The following POLR3G variants were observed in gnomAD, a reference collection of about 807,000 sequenced individuals.
POLR3G encodes the protein RNA polymerase III subunit G, also known as DNA-directed RNA polymerase III subunit RPC7.
POLR3G carries 28 observed loss-of-function variants against 30.1 expected under a neutral mutation model. The ratio of observed to expected loss-of-function variants is 0.93; its 90% CI spans 0.69 to 1.27. The LOEUF is 1.27. Among genes scored for constraint, POLR3G ranks in the 50% most tolerant of loss-of-function variants. POLR3G has a pLI of 0.00. For missense variants in POLR3G, 254 were observed against 264.6 expected (o/e 0.96, Z 0.28); for synonymous variants, 79 against 82.5 (o/e 0.96, Z 0.23).
chr5:90,509,369 T>C (rs1752632957), intron 7 of POLR3G, among the ~76,000 whole-genome samples: 1 of 152,156 alleles, frequency 6.6e-6, no homozygotes, highest in Non-Finnish European at 1.5e-5. Flanking sequence ...TCATTCAACC[T>C]ATAGTAAGTG....
At chr5:90,493,944 T>C (rs1751864061) in intron 3 of POLR3G, among the ~76,000 whole-genome samples, 1 of 151,724 alleles carries the variant, frequency 6.6e-6, no homozygotes, top group Admixed American at 6.6e-5. Flanking sequence ...TCCTGACCTA[T>C]TAGCAATCTA....
intron 6 of POLR3G, chr5:90,502,271 T>C (rs1420099303): frequency 6.1e-6 from 6 of 981,156 alleles, no homozygotes; most frequent in Non-Finnish European, 7.3e-6. Context: ...ATTTGAATCA[T>C]GCAGGCAGAG....
chr5:90,507,204 G>A (rs1406785455), intron 7 of POLR3G, among the ~76,000 whole-genome samples: 1 of 152,176 alleles, frequency 6.6e-6, no homozygotes, highest in Non-Finnish European at 1.5e-5. Flanking sequence ...ATTAGCTGGA[G>A]TCAATCAGGT....
intron 1 of POLR3G, among the ~76,000 whole-genome samples, chr5:90,475,775 G>C (rs555500033): frequency 6.6e-6 from 1 of 152,066 alleles, no homozygotes; most frequent in Non-Finnish European, 1.5e-5. Context: ...GCGGTGGCGC[G>C]ATCTCGTCTC....
At chr5:90,495,790 A>C in intron 4 of POLR3G, 57 bp downstream of exon 4, 5 of 1,506,454 alleles carry the variant, frequency 3.3e-6, no homozygotes, top group Non-Finnish European at 4.4e-6. Flanking sequence ...CTCTCACCTC[A>C]TGTTTTTTTT....
intron 7 of POLR3G, among the ~76,000 whole-genome samples, chr5:90,511,721 TA>T (rs1703223435): frequency 6.6e-6 from 1 of 152,120 alleles, no homozygotes; most frequent in South Asian, 2.1e-4. Flanking sequence ...GATGTTAATG[TA>T]AACTGGCTTT....
In POLR3G at chr5:90,513,538, G is replaced by A. The variant is rs1411387389; in HGVS notation, c.*1399G>A. On this transcript the variant is annotated 3_prime_UTR_variant, in exon 8 of 8. Transcript: ENST00000651687. Reference sequence around the variant, plus strand: ...CTGAAAGCACAATTTTAAGAAACATGTTTTCCTCACAAAATATATTGTAAT... The same window carrying A: ...CTGAAAGCACAATTTTAAGAAACATATTTTCCTCACAAAATATATTGTAAT... 6.6e-6 allele frequency: 1 copy of A among 152,486 alleles called. No individual in the cohort carries two copies. The highest frequency in any genetic ancestry group is 2.4e-5 in the African/African-American group (1 of 41,434). 9.4% of individuals were successfully genotyped at this position (152,486 alleles called of 1,614,324 possible). A position where few individuals can be genotyped will look rare whatever the true frequency, so the allele number is the denominator to read the frequency against.
chr5:90,510,953 ATAG>A lies in POLR3G; in HGVS notation c.586-1096_586-1094del, dbSNP rs1329089305. ...GAGTAGTCTGTATTTCTTACTATAG[ATAG>A]TAGAGATGTGGACATTAATTTCTTA... On this transcript the variant is annotated intron_variant, in intron 7 of 7. Coordinates refer to ENST00000651687, the MANE Select transcript of POLR3G (RefSeq NM_006467.3). 2.6e-5 allele frequency among the ~76,000 whole-genome samples: 4 copies of A among 152,184 alleles called. No homozygotes were observed. In the South Asian group the frequency reaches 6.2e-4, roughly 24 times the overall value.
chr5:90,511,715 T>C (rs1411432673), intron 7 of POLR3G, among the ~76,000 whole-genome samples: 2 of 152,160 alleles, frequency 1.3e-5, no homozygotes, highest in Non-Finnish European at 2.9e-5. Flanking sequence ...CTAATGGATG[T>C]TAATGTAAAC....
intron 1 of POLR3G, among the ~76,000 whole-genome samples, chr5:90,481,524 T>C (rs2151899698): frequency 6.6e-6 from 1 of 152,336 alleles, no homozygotes; most frequent in East Asian, 1.9e-4. Context: ...GAGACCTTGA[T>C]AAAAATTCAG....
At chr5:90,510,512 C>G (rs1296659218) in intron 7 of POLR3G, among the ~76,000 whole-genome samples, 1 of 152,180 alleles carries the variant, frequency 6.6e-6, no homozygotes, top group Non-Finnish European at 1.5e-5. Context: ...GTATCCCTTC[C>G]TTATTCATCT....
rs763869071 is a variant in POLR3G at position 90,497,650 on chromosome 5, G to A, written c.305-6G>A. On this transcript the variant is annotated splice_region_variant and splice_polypyrimidine_tract_variant and intron_variant, in intron 4 of 7. Transcript: ENST00000651687. ...TGCAATTTTTTATTTTTTATTTTAT[G>A]TACAGATTGGAGAAGACTTCCAAGA... 3 of 1,591,198 alleles carry A rather than the reference G, an allele frequency of 1.9e-6. No individual in the cohort carries two copies.
chr5:90,481,626 A>AT, intron 1 of POLR3G, among the ~76,000 whole-genome samples: 1 of 152,186 alleles, frequency 6.6e-6, no homozygotes, highest in Non-Finnish European at 1.5e-5. Flanking sequence ...TTTAAGAAGC[A>AT]TTGTATAGGG....
Position 90,506,639 on chromosome 5 carries a change from G to A in POLR3G, c.550G>A (p.Glu184Lys), listed in dbSNP as rs1752499525. 1 of 1,612,258 alleles carries A rather than the reference G, an allele frequency of 6.2e-7. No homozygotes were observed. The highest frequency in any genetic ancestry group is 8.5e-7 in the Non-Finnish European group (1 of 1,179,174). Residue 184 changes from glutamate to lysine, a missense_variant, in exon 7 of 8, where the codon GAA becomes AAA. Transcript: ENST00000651687. ...GDDDDDDDAA[E>K]QEEYDEEEQE... ...TGATGACGATGACGATGATGCCGCA[G>A]AACAGGAGGAATATGATGAAGAAGA... is the stretch of plus-strand genomic sequence containing the variant.
At chr5:90,498,079 A>G (rs1752074527) in intron 5 of POLR3G, among the ~76,000 whole-genome samples, 1 of 152,136 alleles carries the variant, frequency 6.6e-6, no homozygotes, top group African/African-American at 2.4e-5. Flanking sequence ...CACTGCACTT[A>G]AGCCTGGAAG....
At chr5:90,495,636 G>A in intron 3 of POLR3G, 41 bp from the exon 4 acceptor site, 1 of 1,589,950 alleles carries the variant, frequency 6.3e-7, no homozygotes. Context: ...CAGGGTTACT[G>A]TTGATTTTCC....
chr5:90,489,033 G>A lies in POLR3G; in HGVS notation c.247+904G>A, dbSNP rs74950628. Among the ~76,000 whole-genome samples the A allele has an allele frequency of 3.7e-4, 56 of 152,186 alleles. No individual in the cohort carries two copies. In the East Asian group the frequency reaches 0.01, roughly 28 times the overall value. ...AACATCATTAAAACATGAGAAATTCGTAGTGTCATCTCATTCCATTCGTAT... is the reference window on the plus strand; with the variant it reads ...AACATCATTAAAACATGAGAAATTCATAGTGTCATCTCATTCCATTCGTAT... On this transcript the variant is annotated intron_variant, in intron 3 of 7. Transcript: ENST00000651687.
chr5:90,495,891 A>C (rs1011433031), intron 4 of POLR3G, among the ~76,000 whole-genome samples, 158 bp downstream of exon 4: 10 of 151,750 alleles, frequency 6.6e-5, no homozygotes, highest in African/African-American at 2.2e-4. Flanking sequence ...CTAAGGTGAA[A>C]AGATTTTTAT....
chr5:90,485,735 A>G (rs758844719), intron 2 of POLR3G, 51 bp downstream of exon 2: 1 of 1,336,050 alleles, frequency 7.5e-7, no homozygotes, highest in Non-Finnish European at 1.1e-6. Flanking sequence ...CATTTTTCAG[A>G]GAATATTAAA....
Sources: gnomAD v4.1 joint callset for allele counts (sites outside exome capture counted in the v4.1 genomes callset) on GRCh38, gnomAD v4.1.1 for gene constraint, MANE v1.5 for transcripts, NCBI Gene and HGNC (gene_info 2026-07-23, HGNC 2026-07-21) for gene names.